The following KIAA1671 variants were observed in gnomAD, a reference collection of about 807,000 sequenced individuals.
KIAA1671 encodes KIAA1671, also known as uncharacterized protein KIAA1671.
In KIAA1671, 52 loss-of-function variants were observed where a neutral mutation model predicts 131.2. That is an observed-to-expected ratio of 0.40 (90% CI 0.32 to 0.50). The LOEUF (loss-of-function observed/expected upper bound fraction) is 0.50. Among genes scored for constraint, KIAA1671 ranks in the 20% least tolerant of loss-of-function variants. The pLI is 0.73. For missense variants in KIAA1671, 2,360 were observed against 2,364.2 expected (o/e 1.00, Z 0.04); for synonymous variants, 1,003 against 961.6 (o/e 1.04, Z -0.80).
At chr22:25,050,781 C>T (rs9624711) in intron 6 of KIAA1671, 1 of 152,246 alleles carries the variant, frequency 6.6e-6, no homozygotes, top group Non-Finnish European at 1.5e-5. Flanking sequence ...GCCAAAGATT[C>T]ACACACATTT....
In KIAA1671 at chr22:25,177,430, A is replaced by T; in HGVS notation, c.4982A>T (p.His1661Leu). 2.6e-6 allele frequency: 4 copies of T among 1,551,222 alleles called. No homozygotes were observed. Among genetic ancestry groups the T allele is most frequent in the Non-Finnish European group, 3.5e-6 (4 of 1,146,904 alleles). ...AGCCGCCGCCGGGCCCCCATCTCCC[A>T]CTCCCTCCGGCGCAGCCGATTTAGT... Reference protein sequence around the residue: ...KRSRRRAPISHSLRRSRFSES... With the variant: ...KRSRRRAPISLSLRRSRFSES... The change falls in exon 9 of 13, where the codon CAC (histidine) becomes CTC (leucine). Residue 1661 changes from histidine (H) to leucine (L), a missense_variant. Around this residue, in one of 3 missense-constraint regions of KIAA1671, gnomAD observed 1,161 missense variants for 1,204.7 expected, o/e 0.96. Transcript: ENST00000358431.
At position 25,028,773 on chromosome 22, in the gene KIAA1671, C is replaced by T. The variant is rs1926105346; in HGVS notation, c.774C>T (p.Pro258=). Residue 258 remains proline (P), a synonymous_variant, in exon 3 of 13, where the codon CCC becomes CCT. Transcript: ENST00000358431. ...TESIQPQKPG[P]GAAATVGKVP... is the part of the protein sequence containing the mutation. ...CCATTCAGCCTCAGAAGCCAGGCCC[C>T]GGCGCAGCGGCCACAGTGGGCAAAG... is the stretch of plus-strand genomic sequence containing the variant. 1.3e-5 allele frequency: 20 copies of T among 1,551,122 alleles called. No individual in the cohort carries two copies. The highest frequency in any genetic ancestry group is 5.5e-5 in the African/African-American group (4 of 73,084).
At chr22:25,163,504 C>T (rs1325844230) in intron 6 of KIAA1671, among the ~76,000 whole-genome samples, 5 of 131,784 alleles carry the variant, frequency 3.8e-5, no homozygotes, top group African/African-American at 1.2e-4. Flanking sequence ...TGCAGTGGTG[C>T]GATCTCTGCT....
intron 6 of KIAA1671, among the ~76,000 whole-genome samples, chr22:25,168,508 T>C (rs1381026438): frequency 6.6e-6 from 1 of 151,258 alleles, no homozygotes; most frequent in African/African-American, 2.5e-5. Context: ...CTGGGCAATG[T>C]GGTGAAACCC....
rs367871913 is a variant in KIAA1671 at position 25,177,299 on chromosome 22, T to C, written c.4900-49T>C. Reference sequence around the variant, plus strand: ...GCCAACTGTGTTGTGGTACCCTCCATTGATGGTTCCCTTGATTTTTTTCCT... The same window carrying C: ...GCCAACTGTGTTGTGGTACCCTCCACTGATGGTTCCCTTGATTTTTTTCCT... On this transcript the variant is annotated intron_variant, in intron 8 of 12. Coordinates refer to ENST00000358431, the MANE Select transcript of KIAA1671 (RefSeq NM_001145206.2). 103 of 1,507,770 alleles carry C rather than the reference T, an allele frequency of 6.8e-5. No individual in the cohort carries two copies. The African/African-American group carries it at 1.1e-3, about 16-fold the overall frequency. The allele number at this position is 1,507,770 out of a possible 1,614,324, so 93.4% of individuals were successfully genotyped here. A position where few individuals can be genotyped will look rare whatever the true frequency, so the allele number is the denominator to read the frequency against.
chr22:24,989,669 G>T (rs1923735211), intron 1 of KIAA1671, among the ~76,000 whole-genome samples: 1 of 152,148 alleles, frequency 6.6e-6, no homozygotes, highest in South Asian at 2.1e-4. Context: ...GAAAGGGAGA[G>T]TCCCTGGGTG....
rs142416753 is a variant in KIAA1671, at chr22:24,975,403, C to T, written c.-208+22631C>T. On this transcript the variant is annotated intron_variant, in intron 1 of 12. Coordinates refer to ENST00000358431, the MANE Select transcript of KIAA1671 (RefSeq NM_001145206.2). Reference sequence around the variant, plus strand: ...GTGCAATCCTAGCTCACTGCACCTTCGACCTCCTGGGCTCAAGCAAGCCTC... The same window carrying T: ...GTGCAATCCTAGCTCACTGCACCTTTGACCTCCTGGGCTCAAGCAAGCCTC... Among the ~76,000 whole-genome samples the T allele has an allele frequency of 4.4e-4, 67 of 151,596 alleles. No homozygotes were observed. In the East Asian group the frequency reaches 0.011, roughly 25 times the overall value.
At chr22:25,156,543 ATG>A (rs1025747153) in intron 6 of KIAA1671, among the ~76,000 whole-genome samples, 5 of 148,136 alleles carry the variant, frequency 3.4e-5, no homozygotes, top group African/African-American at 5.2e-5. Context: ...GTACATCCGT[ATG>A]TGTTTTTGTG....
chr22:25,042,688 C>T lies in KIAA1671; in HGVS notation c.4395+1163C>T, dbSNP rs796606343. On this transcript the variant is annotated intron_variant, in intron 5 of 12. Coordinates refer to ENST00000358431, the MANE Select transcript of KIAA1671 (RefSeq NM_001145206.2). ...CGGGGTTTCACTATTTTGGCCAGGC[C>T]GGTCTTGAACTCCTGACCTCGTGAT... Among the ~76,000 whole-genome samples the T allele has an allele frequency of 5.5e-4, 84 of 151,696 alleles. 1 individual carries two copies. Among genetic ancestry groups the T allele is most frequent in the Middle Eastern group, 6.8e-3 (2 of 294 alleles).
intron 1 of KIAA1671, among the ~76,000 whole-genome samples, chr22:24,967,760 A>T (rs992781111): frequency 3.3e-5 from 5 of 152,192 alleles, no homozygotes; most frequent in Non-Finnish European, 5.9e-5. Flanking sequence ...TGGGAGGCCA[A>T]GGTGGGCGGA....
chr22:25,155,409 A>G (rs1933195590), intron 6 of KIAA1671, among the ~76,000 whole-genome samples: 1 of 151,094 alleles, frequency 6.6e-6, no homozygotes, highest in South Asian at 2.1e-4. Context: ...GTCTGTTTCT[A>G]TGTATTTGTG....
intron 3 of KIAA1671, among the ~76,000 whole-genome samples, chr22:25,031,549 C>G (rs1926294561): frequency 6.6e-6 from 1 of 152,140 alleles, no homozygotes; most frequent in Admixed American, 6.5e-5. Context: ...TCAGGCTGTT[C>G]TCGAACTTCT....
At chr22:25,020,198 C>T (rs755938413) in intron 1 of KIAA1671, among the ~76,000 whole-genome samples, 1 of 152,120 alleles carries the variant, frequency 6.6e-6, no homozygotes, top group Non-Finnish European at 1.5e-5. Context: ...CTTGAACTGG[C>T]TGTTTCTGGA....
intron 6 of KIAA1671, among the ~76,000 whole-genome samples, chr22:25,124,635 G>A (rs1439918270): frequency 6.6e-6 from 1 of 152,178 alleles, no homozygotes; most frequent in Admixed American, 6.5e-5. Context: ...ATGATGCCTG[G>A]AACCTCGGAA....
At chr22:25,127,715 A>T (rs142872047) in intron 6 of KIAA1671, among the ~76,000 whole-genome samples, 1 of 152,196 alleles carries the variant, frequency 6.6e-6, no homozygotes, top group Non-Finnish European at 1.5e-5. Context: ...TTCATATGCT[A>T]TGTTGGATTT....
intron 1 of KIAA1671, among the ~76,000 whole-genome samples, chr22:25,003,492 A>G (rs1027741648): frequency 2.7e-5 from 4 of 146,166 alleles, no homozygotes; most frequent in African/African-American, 7.9e-5. Context: ...GTTCACTGCA[A>G]GCTCCACCTC....
At chr22:25,024,936 C>T (rs770166488) in intron 1 of KIAA1671, among the ~76,000 whole-genome samples, 34 of 151,950 alleles carry the variant, frequency 2.2e-4, no homozygotes, top group Non-Finnish European at 3.7e-4. Context: ...GGGGTTGTAC[C>T]GGGTTGAAGG....
At chr22:24,998,125 GT>G (rs1306940465) in intron 1 of KIAA1671, among the ~76,000 whole-genome samples, 1 of 152,164 alleles carries the variant, frequency 6.6e-6, no homozygotes, top group Admixed American at 6.6e-5. Context: ...TTTAGGCCAG[GT>G]GTGGCAATAT....
At chr22:25,081,499 C>T (rs1929402761) in intron 6 of KIAA1671, among the ~76,000 whole-genome samples, 1 of 152,150 alleles carries the variant, frequency 6.6e-6, no homozygotes, top group Admixed American at 6.5e-5. Context: ...TCCACATATC[C>T]AAGGGAGGAA....
Sources: gnomAD v4.1 joint callset for allele counts (sites outside exome capture counted in the v4.1 genomes callset) on GRCh38, gnomAD v4.1.1 for gene constraint, gnomAD v4.1.1 regional missense constraint, MANE v1.5 for transcripts, NCBI Gene and HGNC (gene_info 2026-07-23, HGNC 2026-07-21) for gene names.